ARHGAP24: variants seen among roughly 807,000 people sequenced by gnomAD.
ARHGAP24 encodes the protein rho GTPase-activating protein 24.
Under a neutral mutation model 76.4 loss-of-function variants are expected in ARHGAP24, and 50 were observed. That is an observed-to-expected ratio of 0.65 (90% CI 0.52 to 0.83). The LOEUF is 0.83. ARHGAP24 is among the 40% of genes least tolerant of loss of function. The pLI is 0.00. For synonymous variants in ARHGAP24, 345 were observed against 323.3 expected (o/e 1.07, Z -0.72); for missense variants, 930 against 914.2 (o/e 1.02, Z -0.22).
chr4:85,672,158 A>C (rs1413253935), intron 2 of ARHGAP24, among the ~76,000 whole-genome samples: 2 of 152,162 alleles, frequency 1.3e-5, no homozygotes, highest in East Asian at 3.8e-4. Flanking sequence ...ATTTCTCTTA[A>C]AAATACTTAG....
At chr4:85,984,805 A>G (rs1399172718) in intron 8 of ARHGAP24, among the ~76,000 whole-genome samples, 1 of 152,082 alleles carries the variant, frequency 6.6e-6, no homozygotes, top group Non-Finnish European at 1.5e-5. Flanking sequence ...TTTGTTTTAG[A>G]AAAACAACTC....
intron 3 of ARHGAP24, among the ~76,000 whole-genome samples, chr4:85,725,991 C>T (rs1383839958): frequency 1.3e-5 from 2 of 152,174 alleles, no homozygotes; most frequent in Admixed American, 6.5e-5. Context: ...AATTTACCAG[C>T]AATACTCTTG....
chr4:85,828,826 G>T (rs1434822593), intron 3 of ARHGAP24, among the ~76,000 whole-genome samples: 1 of 151,924 alleles, frequency 6.6e-6, no homozygotes, highest in Non-Finnish European at 1.5e-5. Flanking sequence ...ACTATAAAAA[G>T]GAGATACTTT....
At chr4:85,634,340 G>A (rs139248090) in intron 2 of ARHGAP24, among the ~76,000 whole-genome samples, 1 of 151,796 alleles carries the variant, frequency 6.6e-6, no homozygotes, top group Non-Finnish European at 1.5e-5. Flanking sequence ...TCAGCCTGGA[G>A]GAAAATTAAG....
At chr4:85,910,138 C>G (rs60376563) in intron 3 of ARHGAP24, among the ~76,000 whole-genome samples, 1 of 152,132 alleles carries the variant, frequency 6.6e-6, no homozygotes, top group South Asian at 2.1e-4. Context: ...AGACCAGGTG[C>G]ACTGCAAGCA....
chr4:85,513,299 T>C (rs1560515168), intron 1 of ARHGAP24, among the ~76,000 whole-genome samples: 1 of 152,208 alleles, frequency 6.6e-6, no homozygotes, highest in African/African-American at 2.4e-5. Flanking sequence ...CCAGAATTCC[T>C]GAGCCCCATT....
intron 2 of ARHGAP24, among the ~76,000 whole-genome samples, chr4:85,700,066 A>G (rs1383725745): frequency 6.6e-6 from 1 of 152,202 alleles, no homozygotes; most frequent in Non-Finnish European, 1.5e-5. Flanking sequence ...GAGATCACAC[A>G]GTAGAGGTAA....
At chr4:85,532,520 T>C (rs972083823) in intron 1 of ARHGAP24, among the ~76,000 whole-genome samples, 1 of 152,184 alleles carries the variant, frequency 6.6e-6, no homozygotes, top group Non-Finnish European at 1.5e-5. Context: ...AAATTGGTAT[T>C]GTACAGCCAT....
intron 4 of ARHGAP24, among the ~76,000 whole-genome samples, chr4:85,929,317 G>A (rs1736189842): frequency 6.6e-6 from 1 of 152,140 alleles, no homozygotes; most frequent in Admixed American, 6.5e-5. Context: ...TACCTACATG[G>A]GCATGCTAGT....
At chr4:85,951,471 AG>A (rs1324837091) in intron 5 of ARHGAP24, among the ~76,000 whole-genome samples, 7 of 152,164 alleles carry the variant, frequency 4.6e-5, no homozygotes, top group Admixed American at 3.9e-4. Flanking sequence ...TATCTCACCC[AG>A]GTTCTTTAAT....
intron 1 of ARHGAP24, among the ~76,000 whole-genome samples, chr4:85,553,848 C>T (rs1726245572): frequency 6.6e-6 from 1 of 152,052 alleles, no homozygotes; most frequent in Non-Finnish European, 1.5e-5. Context: ...AGATTTGATC[C>T]TGTCATGGTG....
At chr4:85,956,206 A>G (rs1322778428) in intron 5 of ARHGAP24, among the ~76,000 whole-genome samples, 1 of 152,180 alleles carries the variant, frequency 6.6e-6, no homozygotes, top group South Asian at 2.1e-4. Context: ...TAAACTGGCT[A>G]CCTATTTTCA....
At chr4:85,819,647 G>A (rs754228402) in intron 3 of ARHGAP24, among the ~76,000 whole-genome samples, 2 of 152,124 alleles carry the variant, frequency 1.3e-5, no homozygotes, top group South Asian at 2.1e-4. Context: ...GGCCAGGTGC[G>A]GTGGCTCATG....
At chr4:85,958,646 A>G (rs529367041) in intron 5 of ARHGAP24, among the ~76,000 whole-genome samples, 1 of 152,206 alleles carries the variant, frequency 6.6e-6, no homozygotes, top group East Asian at 1.9e-4. Context: ...TATCCCTTAA[A>G]GTCATGTTTT....
chr4:85,925,496 GA>G (rs148515823), intron 4 of ARHGAP24, among the ~76,000 whole-genome samples: 1,971 of 151,060 alleles, frequency 0.013, 35 homozygotes, highest in East Asian at 0.094. Flanking sequence ...CCTGATTTAA[GA>G]AAAAAAAAGT....
chr4:85,755,164 T>G (rs1397916356), intron 3 of ARHGAP24, among the ~76,000 whole-genome samples: 1 of 152,226 alleles, frequency 6.6e-6, no homozygotes. Flanking sequence ...CATTCCAATT[T>G]TCTGTGAGGT....
At chr4:85,563,560 A>G (rs1371864239) in intron 1 of ARHGAP24, among the ~76,000 whole-genome samples, 1 of 152,184 alleles carries the variant, frequency 6.6e-6, no homozygotes, top group East Asian at 1.9e-4. Context: ...ATTACCTCCT[A>G]AGGGCCCTAT....
chr4:85,629,450 T>C (rs1310151161), intron 2 of ARHGAP24, among the ~76,000 whole-genome samples: 1 of 152,206 alleles, frequency 6.6e-6, no homozygotes, highest in Non-Finnish European at 1.5e-5. Flanking sequence ...GTGAATTTTA[T>C]ACTTACATAT....
chr4:85,692,686 A>G (rs1723710954), intron 2 of ARHGAP24, among the ~76,000 whole-genome samples: 1 of 152,220 alleles, frequency 6.6e-6, no homozygotes, highest in African/African-American at 2.4e-5. Context: ...GGTCTTTCTT[A>G]AAATGGCTAT....
Sources: allele counts gnomAD v4.1 joint callset (sites outside exome capture counted in the v4.1 genomes callset), GRCh38; gene constraint gnomAD v4.1.1; transcripts MANE v1.5; gene names NCBI Gene and HGNC (gene_info 2026-07-23, HGNC 2026-07-21).